The following OSBPL10 variants were observed in gnomAD, a reference collection of about 807,000 sequenced individuals.
OSBPL10 encodes oxysterol binding protein like 10, also known as oxysterol-binding protein-related protein 10.
Under a neutral mutation model 81.7 loss-of-function variants are expected in OSBPL10, and 49 were observed. The observed-to-expected ratio is 0.60, with a 90% CI of 0.48 to 0.76. The LOEUF (loss-of-function observed/expected upper bound fraction) is 0.76, where lower values mean the gene tolerates loss of function less well. Among genes scored for constraint, OSBPL10 ranks in the 30% least tolerant of loss-of-function variants. The probability of loss-of-function intolerance (pLI) is 0.00; values close to 1 mark genes in which losing one functional copy is unlikely to be tolerated. For missense variants in OSBPL10, 923 were observed against 987.8 expected, an observed-to-expected ratio of 0.93 and a Z score of 0.88; for synonymous variants, 419 against 383.6, an observed-to-expected ratio of 1.09 and a Z score of -1.08.
chr3:31,722,221 T>C lies in OSBPL10; in HGVS notation c.1095+11036A>G, dbSNP rs142805648. On this transcript the variant is annotated intron_variant, in intron 6 of 11. Transcript: ENST00000396556. ...TTGTTTTCATTATGATTTTGTACCT[T>C]ATGTCCAACCAATTGATTGCTCCGT... is the stretch of plus-strand genomic sequence containing the variant. 6.2e-4 allele frequency among the ~76,000 whole-genome samples: 94 copies of C among 152,316 alleles called. 1 individual carries two copies. The highest frequency in any genetic ancestry group is 2.1e-3 in the African/African-American group (89 of 41,578).
intron 1 of OSBPL10, among the ~76,000 whole-genome samples, chr3:32,071,726 T>C (rs893739203): frequency 6.6e-6 from 1 of 152,256 alleles, no homozygotes. Context: ...ATATACTTTC[T>C]GCTCCCCGGC....
chr3:32,055,087 G>A (rs1203458110), intron 1 of OSBPL10, among the ~76,000 whole-genome samples: 1 of 149,040 alleles, frequency 6.7e-6, no homozygotes, highest in Non-Finnish European at 1.5e-5. Flanking sequence ...CATGGACTAA[G>A]CTAATAGAAG....
At chr3:31,818,654 G>A (rs1370764976) in intron 4 of OSBPL10, among the ~76,000 whole-genome samples, 4 of 152,088 alleles carry the variant, frequency 2.6e-5, no homozygotes, top group African/African-American at 4.8e-5. Flanking sequence ...GCCTCTGCTC[G>A]CTGTTTTGTT....
chr3:31,791,258 A>G (rs1191195128), intron 4 of OSBPL10, among the ~76,000 whole-genome samples: 2 of 152,226 alleles, frequency 1.3e-5, no homozygotes, highest in South Asian at 2.1e-4. Context: ...ACCTCAGAAA[A>G]TGGGAGTATA....
At chr3:31,985,410 G>A (rs913215234), upstream of OSBPL10, among the ~76,000 whole-genome samples, 1 of 152,200 alleles carries the variant, frequency 6.6e-6, no homozygotes, top group African/African-American at 2.4e-5. Flanking sequence ...TGGGAATGAA[G>A]CTATGCATGA....
At chr3:31,926,909 A>C (rs372284890) in intron 1 of OSBPL10, among the ~76,000 whole-genome samples, 6 of 152,194 alleles carry the variant, frequency 3.9e-5, no homozygotes, top group East Asian at 3.9e-4. Context: ...CAGGAGTTCG[A>C]GACCAGCCTG....
chr3:32,047,327 T>C (rs1699632017), intron 1 of OSBPL10, among the ~76,000 whole-genome samples: 1 of 152,126 alleles, frequency 6.6e-6, no homozygotes, highest in Non-Finnish European at 1.5e-5. Context: ...GGCTACTCCG[T>C]AGACAGAGTA....
chr3:32,046,940 G>T (rs116546810), intron 1 of OSBPL10, among the ~76,000 whole-genome samples: 1,695 of 152,272 alleles, frequency 0.011, 42 homozygotes, highest in African/African-American at 0.038. Context: ...TCCAAGAGAG[G>T]GTTCTTGGAT....
chr3:32,015,133 G>A (rs1481798530), intron 2 of OSBPL10, among the ~76,000 whole-genome samples: 1 of 152,264 alleles, frequency 6.6e-6, no homozygotes, highest in Non-Finnish European at 1.5e-5. Context: ...AGCCTGCATT[G>A]CTAAGTCAAT....
At chr3:31,787,347 G>A (rs1014487479) in intron 4 of OSBPL10, among the ~76,000 whole-genome samples, 2 of 152,036 alleles carry the variant, frequency 1.3e-5, no homozygotes, top group African/African-American at 2.4e-5. Flanking sequence ...GCCTGTAATC[G>A]CAGCAGGGAG....
At chr3:31,675,526 G>A (rs1044216809) in intron 8 of OSBPL10, among the ~76,000 whole-genome samples, 2 of 152,136 alleles carry the variant, frequency 1.3e-5, no homozygotes, top group African/African-American at 4.8e-5. Context: ...TGGAGAAGGC[G>A]ATTCTAAACT....
rs540953981 is a variant in OSBPL10 at position 31,925,761 on chromosome 3, C to T, written c.282-45931G>A. Among the ~76,000 whole-genome samples, 315 of 151,886 alleles carry T rather than the reference C, an allele frequency of 2.1e-3. 1 individual carries two copies. The highest frequency in any genetic ancestry group is 1.4e-3 in the Non-Finnish European group (98 of 67,954). The stretch of plus-strand genomic sequence containing the variant: ...CTGGGAGACGGAGGTTGCAGTGAGC[C>T]GAGATTGTGCCACTGCACTCCAGCC... On this transcript the variant is annotated intron_variant, in intron 1 of 11. Transcript: ENST00000396556.
At chr3:31,807,375 A>AAAT (rs888418014) in intron 4 of OSBPL10, among the ~76,000 whole-genome samples, 9 of 78,510 alleles carry the variant, frequency 1.1e-4, no homozygotes, top group Non-Finnish European at 2.2e-4. Context: ...TGTCTCAGAA[A>AAAT]AATAAATAAA....
chr3:31,748,257 G>T, intron 4 of OSBPL10, 137 bp from the exon 5 acceptor site: 1 of 758,090 alleles, frequency 1.3e-6, no homozygotes, highest in Non-Finnish European at 2.2e-6. Context: ...TTCGTCTTTT[G>T]ATAAATACTC....
Position 32,025,789 on chromosome 3 carries a change from C to A in OSBPL10, n.298+20702G>T, listed in dbSNP as rs75152617. 6.4e-3 allele frequency among the ~76,000 whole-genome samples: 970 copies of A among 152,176 alleles called. 30 individuals carry two copies. In the East Asian group the frequency reaches 0.11, roughly 17 times the overall value. ...TAATATTCCCTTACAATTCATTTTA[C>A]TTCTATAAGGTCAGTAGTAATGTCC... On this transcript the variant is annotated intron_variant and non_coding_transcript_variant, in intron 2 of 3. Coordinates refer to the OSBPL10 transcript ENST00000479173.
intron 1 of OSBPL10, among the ~76,000 whole-genome samples, chr3:31,972,429 A>C (rs1297660469): frequency 1.3e-5 from 2 of 152,090 alleles, no homozygotes; most frequent in Non-Finnish European, 2.9e-5. Context: ...CCCAGACTCT[A>C]CTTAACAACC....
intron 1 of OSBPL10, among the ~76,000 whole-genome samples, chr3:31,886,480 GGA>G (rs1410369557): frequency 2.6e-5 from 4 of 152,218 alleles, no homozygotes; most frequent in Admixed American, 2.6e-4. Flanking sequence ...GCAGCTTCAT[GGA>G]GAGGGTGGAC....
chr3:31,793,221 T>C (rs1201355460), intron 4 of OSBPL10, among the ~76,000 whole-genome samples: 1 of 152,164 alleles, frequency 6.6e-6, no homozygotes, highest in Non-Finnish European at 1.5e-5. Flanking sequence ...TCCTGTGAAC[T>C]CCCAGCCAGA....
At chr3:31,833,779 C>T (rs1337692536) in intron 3 of OSBPL10, among the ~76,000 whole-genome samples, 2 of 151,550 alleles carry the variant, frequency 1.3e-5, no homozygotes, top group Non-Finnish European at 2.9e-5. Context: ...GAGGACTCTT[C>T]AGAAATCAGT....
Sources: allele counts gnomAD v4.1 joint callset (sites outside exome capture counted in the v4.1 genomes callset), GRCh38; gene constraint gnomAD v4.1.1; transcripts MANE v1.5; gene names NCBI Gene and HGNC (gene_info 2026-07-23, HGNC 2026-07-21).